The following SLC8A1 variants were observed in gnomAD, a reference collection of about 807,000 sequenced individuals.
SLC8A1 encodes sodium/calcium exchanger 1.
A neutral mutation model predicts 68.3 loss-of-function variants in SLC8A1; 18 were observed. The observed-to-expected ratio is 0.26, with a 90% CI of 0.18 to 0.39. The LOEUF (loss-of-function observed/expected upper bound fraction) is 0.39. Among genes scored for constraint, SLC8A1 ranks in the 10% least tolerant of loss-of-function variants. The pLI is 1.00. For missense variants in SLC8A1, 985 were observed against 1,156.7 expected, an observed-to-expected ratio of 0.85 and a Z score of 2.15; for synonymous variants, 475 against 415.5, an observed-to-expected ratio of 1.14 and a Z score of -1.74.
chr2:40,213,061 T>A (rs1040783775), intron 2 of SLC8A1: 1 of 152,202 alleles, frequency 6.6e-6, no homozygotes, highest in Non-Finnish European at 1.5e-5. Context: ...ATGCCATAGC[T>A]TTAAGTCTTC....
At chr2:40,394,231 C>T (rs921958755) in intron 2 of SLC8A1, among the ~76,000 whole-genome samples, 6 of 152,132 alleles carry the variant, frequency 3.9e-5, no homozygotes, top group South Asian at 2.1e-4. Flanking sequence ...GTGTCCAACA[C>T]GGTTGCAACA....
intron 1 of SLC8A1, among the ~76,000 whole-genome samples, chr2:40,433,462 T>C (rs1421020948): frequency 6.6e-6 from 1 of 152,176 alleles, no homozygotes; most frequent in African/African-American, 2.4e-5. Flanking sequence ...ACAGATACCA[T>C]GCTAAATTGT....
At position 40,294,428 on chromosome 2, in the gene SLC8A1, T is replaced by C. The variant is rs570794160; in HGVS notation, c.1809-116573A>G. Among the ~76,000 whole-genome samples the C allele has an allele frequency of 4.6e-4, 70 of 152,258 alleles. 1 individual carries two copies. The highest frequency in any genetic ancestry group is 1.6e-3 in the African/African-American group (68 of 41,572). ...TGTAGGGGACCACAGAGGTATTTAG[T>C]GGCTAAGCTAGGGTTTGAATTCAGA... On this transcript the variant is annotated intron_variant, in intron 2 of 7. Transcript: ENST00000406785.
chr2:40,399,815 C>T (rs1688131518), intron 2 of SLC8A1, among the ~76,000 whole-genome samples: 1 of 152,032 alleles, frequency 6.6e-6, no homozygotes, highest in South Asian at 2.1e-4. Context: ...AGGGAGGGGA[C>T]CACCCCTCAT....
At chr2:40,408,329 T>C (rs552952668) in intron 2 of SLC8A1, among the ~76,000 whole-genome samples, 2 of 152,340 alleles carry the variant, frequency 1.3e-5, no homozygotes, top group South Asian at 4.1e-4. Context: ...AGGCTTAACT[T>C]ATCAACAGTT....
chr2:40,319,428 A>T (rs557878389), intron 2 of SLC8A1, among the ~76,000 whole-genome samples: 1 of 152,196 alleles, frequency 6.6e-6, no homozygotes, highest in East Asian at 1.9e-4. Flanking sequence ...GGATTTTTGC[A>T]GTTCCTAGTC....
chr2:40,199,527 A>G (rs375180), intron 2 of SLC8A1, among the ~76,000 whole-genome samples: 21,981 of 151,390 alleles, frequency 0.15, 1,958 homozygotes, highest in African/African-American at 0.23. Context: ...CTCCAAAACA[A>G]TACTAGATCA....
chr2:40,150,914 C>T (rs964317499), intron 6 of SLC8A1, among the ~76,000 whole-genome samples: 3 of 152,202 alleles, frequency 2.0e-5, no homozygotes, highest in African/African-American at 4.8e-5. Flanking sequence ...ATTTTTAGAT[C>T]GACAGATATC....
At chr2:40,314,240 A>G (rs1394890502) in intron 2 of SLC8A1, among the ~76,000 whole-genome samples, 3 of 152,056 alleles carry the variant, frequency 2.0e-5, no homozygotes, top group Non-Finnish European at 4.4e-5. Flanking sequence ...TTCGGGAAGC[A>G]TTTGTTCTGC....
At chr2:40,139,838 T>C (rs929355790) in intron 6 of SLC8A1, among the ~76,000 whole-genome samples, 162 bp from the exon 10 acceptor site, 1 of 152,118 alleles carries the variant, frequency 6.6e-6, no homozygotes, top group South Asian at 2.1e-4. Flanking sequence ...TCATAACTAA[T>C]GAATTAGTTA....
chr2:40,392,877 A>C (rs1444185526), intron 2 of SLC8A1, among the ~76,000 whole-genome samples: 2 of 152,068 alleles, frequency 1.3e-5, no homozygotes, highest in Non-Finnish European at 2.9e-5. Flanking sequence ...TACTCACTTC[A>C]CTTCTTCTTA....
At chr2:40,472,013 G>A (rs1489152287) in intron 1 of SLC8A1, among the ~76,000 whole-genome samples, 1 of 152,100 alleles carries the variant, frequency 6.6e-6, no homozygotes, top group Non-Finnish European at 1.5e-5. Flanking sequence ...AGGAGACTGC[G>A]GTTGACTATG....
At chr2:40,172,895 T>C (rs1460851582) in intron 4 of SLC8A1, among the ~76,000 whole-genome samples, 3 of 152,064 alleles carry the variant, frequency 2.0e-5, no homozygotes, top group South Asian at 2.1e-4. Context: ...TGAGCCGAGA[T>C]CGCGCCACTG....
At chr2:40,473,959 G>A (rs536940877) in intron 1 of SLC8A1, among the ~76,000 whole-genome samples, 20 of 152,108 alleles carry the variant, frequency 1.3e-4, no homozygotes, top group Admixed American at 1.0e-3. Context: ...ATTTAGTATC[G>A]AAAACTTGCC....
chr2:40,302,031 C>CTGTG (rs374407377), intron 2 of SLC8A1, among the ~76,000 whole-genome samples: 23,708 of 132,082 alleles, frequency 0.18, 2,158 homozygotes, highest in East Asian at 0.21. Context: ...CCGGGCTAAT[C>CTGTG]TGTGTGTGTG....
chr2:40,205,082 G>C (rs138240205), intron 2 of SLC8A1, among the ~76,000 whole-genome samples: 1 of 151,936 alleles, frequency 6.6e-6, no homozygotes, highest in East Asian at 1.9e-4. Context: ...GAAGATGAAA[G>C]AACAGTGGCC....
At chr2:40,171,122 A>G (rs1282131275) in intron 4 of SLC8A1, among the ~76,000 whole-genome samples, 1 of 152,178 alleles carries the variant, frequency 6.6e-6, no homozygotes, top group Non-Finnish European at 1.5e-5. Context: ...CACCTCTGCC[A>G]TATGCTTGTC....
At chr2:40,438,950 G>A (rs1001400265) in intron 1 of SLC8A1, among the ~76,000 whole-genome samples, 11 of 152,128 alleles carry the variant, frequency 7.2e-5, no homozygotes, top group African/African-American at 1.4e-4. Context: ...CTGGAAGTGC[G>A]TGTCTGAAAA....
At chr2:40,340,987 C>T (rs1274351573) in intron 2 of SLC8A1, among the ~76,000 whole-genome samples, 1 of 152,164 alleles carries the variant, frequency 6.6e-6, no homozygotes, top group African/African-American at 2.4e-5. Flanking sequence ...TCATATCCTA[C>T]TATGAACTGC....
Sources: allele counts gnomAD v4.1 joint callset (sites outside exome capture counted in the v4.1 genomes callset), GRCh38; gene constraint gnomAD v4.1.1; transcripts MANE v1.5; gene names NCBI Gene and HGNC (gene_info 2026-07-23, HGNC 2026-07-21).